Variants in SEZ6 observed in about 807,000 individuals in gnomAD.
SEZ6 encodes the protein seizure related 6 homolog.
A neutral mutation model predicts 101.0 loss-of-function variants in SEZ6; 53 were observed. The ratio of observed to expected loss-of-function variants is 0.52; its 90% CI spans 0.42 to 0.66. The LOEUF (loss-of-function observed/expected upper bound fraction) is 0.66. Among genes scored for constraint, SEZ6 ranks in the 30% least tolerant of loss-of-function variants. The pLI, the probability that SEZ6 is intolerant of heterozygous loss-of-function variation, is 0.00. For synonymous variants in SEZ6, 488 were observed against 512.2 expected (o/e 0.95, Z 0.64); for missense variants, 1,102 against 1,289.4 (o/e 0.85, Z 2.23).
intron 1 of SEZ6, among the ~76,000 whole-genome samples, chr17:29,000,671 C>A (rs1321625876): frequency 6.6e-6 from 1 of 152,120 alleles, no homozygotes; most frequent in Admixed American, 6.5e-5. Flanking sequence ...TCCCTGCAAG[C>A]TATGTGAGAG....
chr17:28,980,522 A>C (rs973757291), intron 2 of SEZ6, among the ~76,000 whole-genome samples: 1 of 151,696 alleles, frequency 6.6e-6, no homozygotes, highest in African/African-American at 2.4e-5. Flanking sequence ...GGCACCCCCC[A>C]CTACGCCCGG....
At chr17:28,996,160 C>T (rs531282572) in intron 1 of SEZ6, among the ~76,000 whole-genome samples, 4 of 151,910 alleles carry the variant, frequency 2.6e-5, no homozygotes, top group Admixed American at 6.5e-5. Flanking sequence ...CCTGTAGTCC[C>T]AGCCACCACA....
chr17:28,960,395 G>T, intron 7 of SEZ6, 110 bp downstream of exon 7: 1 of 1,415,894 alleles, frequency 7.1e-7, no homozygotes, highest in Non-Finnish European at 9.6e-7. Context: ...GGCTGACTTG[G>T]AAGGAGTGAC....
chr17:28,976,433 C>T (rs1028828928), intron 3 of SEZ6, among the ~76,000 whole-genome samples: 1 of 152,204 alleles, frequency 6.6e-6, no homozygotes, highest in Non-Finnish European at 1.5e-5. Flanking sequence ...CAGTCCTCTC[C>T]TCCATGGCTC....
chr17:28,992,852 G>A (rs1009128451), intron 1 of SEZ6, among the ~76,000 whole-genome samples: 5 of 152,212 alleles, frequency 3.3e-5, no homozygotes, highest in African/African-American at 1.2e-4. Flanking sequence ...GCAGAGCTGG[G>A]GGCTGGAGAG....
At position 28,955,557 on chromosome 17, in the gene SEZ6, T is replaced by A. The variant is rs2040865180; in HGVS notation, c.*405A>T. 2.2e-6 allele frequency: 1 copy of A among 457,760 alleles called. No individual in the cohort carries two copies. The highest frequency in any genetic ancestry group is 4.4e-6 in the Non-Finnish European group (1 of 229,070). 28.4% of individuals were successfully genotyped at this position (457,760 alleles called of 1,614,324 possible). ...GAGTACCCTGGTGCAGTTCCCACCA[T>A]GGTCAAGTTAATCCTGCTGCAGGTT... On this transcript the variant is annotated 3_prime_UTR_variant, in exon 17 of 17. Coordinates refer to ENST00000317338, the MANE Select transcript of SEZ6 (RefSeq NM_178860.5).
rs768188621 is a variant in SEZ6 at position 28,969,879 on chromosome 17, A to G, written c.932T>C (p.Leu311Pro). The change falls in exon 4 of 17, where the codon CTG becomes CCG. Residue 311 changes from leucine to proline, a missense_variant. By Grantham distance (98) the Leu-to-Pro change is moderately conservative. Coordinates refer to ENST00000317338, the MANE Select transcript of SEZ6 (RefSeq NM_178860.5). ...CCGCAGCAGGAAAGACTGGTTGGCC[A>G]GGGGCAGTGGGTCAGGCCCCCCCAG... ...EGLGGPDPLP[L>P]ANQSFLLRGQ... 8 of 1,541,640 alleles carry G rather than the reference A, an allele frequency of 5.2e-6. No individual in the cohort carries two copies. Among genetic ancestry groups the G allele is most frequent in the Non-Finnish European group, 6.1e-6 (7 of 1,152,984 alleles).
chr17:28,999,557 G>A (rs1232124493), intron 1 of SEZ6, among the ~76,000 whole-genome samples: 1 of 152,160 alleles, frequency 6.6e-6, no homozygotes, highest in Admixed American at 6.6e-5. Context: ...TGTTTGCTCC[G>A]GAGCCCGCAG....
intron 5 of SEZ6, among the ~76,000 whole-genome samples, chr17:28,961,239 T>C (rs1163522525): frequency 6.6e-6 from 1 of 152,114 alleles, no homozygotes; most frequent in Non-Finnish European, 1.5e-5. Context: ...TGTGGGTAGA[T>C]GTATCACTGC....
chr17:29,004,759 T>A (rs2041662632), intron 1 of SEZ6, among the ~76,000 whole-genome samples: 1 of 152,122 alleles, frequency 6.6e-6, no homozygotes, highest in Non-Finnish European at 1.5e-5. Context: ...CCTACCAGCC[T>A]ACTGCAGCGG....
intron 3 of SEZ6, among the ~76,000 whole-genome samples, chr17:28,977,320 G>A (rs745739781): frequency 2.2e-4 from 34 of 152,230 alleles, no homozygotes; most frequent in Non-Finnish European, 4.1e-4. Context: ...TGCTGACCCC[G>A]CTCTGGCCAC....
intron 1 of SEZ6, among the ~76,000 whole-genome samples, chr17:28,989,582 A>G (rs1313387588): frequency 6.6e-6 from 1 of 152,146 alleles, no homozygotes; most frequent in Non-Finnish European, 1.5e-5. Context: ...GCTTGAAACC[A>G]CCTTTGCCAA....
At chr17:28,996,621 C>G (rs2041546988) in intron 1 of SEZ6, among the ~76,000 whole-genome samples, 1 of 152,040 alleles carries the variant, frequency 6.6e-6, no homozygotes, top group Non-Finnish European at 1.5e-5. Flanking sequence ...TACCTTACAC[C>G]CAGGCCACAG....
chr17:28,956,204 G>T lies in SEZ6; in HGVS notation c.2907C>A (p.Arg969=), dbSNP rs752175165. 1.0e-6 allele frequency: 1 copy of T among 968,550 alleles called. No homozygotes were observed. The highest frequency in any genetic ancestry group is 1.3e-5 in the South Asian group (1 of 78,836). The allele number at this position is 968,550 out of a possible 1,614,324, so 60.0% of individuals were successfully genotyped here. Residue 969 remains arginine (R), a synonymous_variant, in exon 16 of 17, where the codon CGC becomes CGA. Coordinates refer to ENST00000317338, the MANE Select transcript of SEZ6 (RefSeq NM_178860.5). The part of the protein sequence containing the change: ...LPRPRPRPYN[R]ITIESAFDNP... ...TGTCAAACGCTGACTCTATGGTAATGCGGTTGTAGGGGCGGGGGCGGGGGC... is the reference window on the plus strand; with the variant it reads ...TGTCAAACGCTGACTCTATGGTAATTCGGTTGTAGGGGCGGGGGCGGGGGC...
In SEZ6 at chr17:28,955,862, C is replaced by T. The variant is rs1177372012; in HGVS notation, c.*100G>A. The T allele has an allele frequency of 4.5e-6, 6 of 1,329,200 alleles. No individual in the cohort carries two copies. The South Asian group carries it at 5.0e-5, about 11-fold the overall frequency. The allele number at this position is 1,329,200 out of a possible 1,614,324, so 82.3% of individuals were successfully genotyped here. ...GGCATCTCCTCCTAGGTGGTATATA[C>T]AGGAGGTGGAGGGACAGCAGGAAGC... On this transcript the variant is annotated 3_prime_UTR_variant, in exon 17 of 17. Transcript: ENST00000317338.
At chr17:28,969,590 G>A (rs866983520) in intron 4 of SEZ6, among the ~76,000 whole-genome samples, 167 bp downstream of exon 4, 14 of 152,168 alleles carry the variant, frequency 9.2e-5, no homozygotes, top group African/African-American at 1.2e-4. Context: ...TTTCAGATAC[G>A]CGATACTTAC....
chr17:28,988,094 A>G (rs895798578), intron 1 of SEZ6, among the ~76,000 whole-genome samples: 2 of 152,248 alleles, frequency 1.3e-5, no homozygotes, highest in African/African-American at 2.4e-5. Flanking sequence ...ACTCAAAAGG[A>G]ACTTCTCATC....
Position 28,957,962 on chromosome 17 carries a change from G to T in SEZ6, c.2287C>A (p.Pro763Thr). 3.7e-6 allele frequency: 6 copies of T among 1,613,688 alleles called. No homozygotes were observed. The highest frequency in any genetic ancestry group is 5.1e-6 in the Non-Finnish European group (6 of 1,179,632). ...GTATACTCACCCCTCTGGCATGAGG[G>T]CAGGTCCTCACTCCAAGTTAGGTCC... is the stretch of plus-strand genomic sequence containing the variant. The part of the protein sequence containing the change: ...QWDLTWSEDL[P>T]SCQRVTSCHD... The change falls in exon 11 of 17, where the codon CCC becomes ACC. Residue 763 changes from proline to threonine, a missense_variant. Physicochemically the swap from Pro to Thr is conservative, Grantham distance 38. Around this residue, in one of 3 missense-constraint regions of SEZ6, gnomAD observed 556 missense variants for 735.1 expected, o/e 0.76. Coordinates refer to ENST00000317338, the MANE Select transcript of SEZ6 (RefSeq NM_178860.5).
chr17:28,976,569 A>G (rs1178845624), intron 3 of SEZ6, among the ~76,000 whole-genome samples: 1 of 152,142 alleles, frequency 6.6e-6, no homozygotes, highest in Admixed American at 6.5e-5. Flanking sequence ...CTTCTCCCCA[A>G]GCCTGAGGAG....
Sources: gnomAD v4.1 joint callset for allele counts (sites outside exome capture counted in the v4.1 genomes callset) on GRCh38, gnomAD v4.1.1 for gene constraint, gnomAD v4.1.1 regional missense constraint, MANE v1.5 for transcripts, NCBI Gene and HGNC (gene_info 2026-07-23, HGNC 2026-07-21) for gene names.